The following CFAP92 variants were observed in gnomAD, a reference collection of about 807,000 sequenced individuals.
CFAP92 encodes cilia and flagella associated protein 92 (putative).
A neutral mutation model predicts 106.3 loss-of-function variants in CFAP92; 86 were observed. The ratio of observed to expected loss-of-function variants is 0.81; its 90% CI spans 0.68 to 0.97. The LOEUF (loss-of-function observed/expected upper bound fraction) is 0.97, where lower values mean the gene tolerates loss of function less well. CFAP92 is among the 50% of genes least tolerant of loss of function. CFAP92 has a pLI of 0.00. For missense variants in CFAP92, 1,204 were observed against 1,283.8 expected (o/e 0.94, Z 0.95); for synonymous variants, 477 against 506.4 (o/e 0.94, Z 0.78).
intron 1 of CFAP92, among the ~76,000 whole-genome samples, chr3:128,999,227 T>C (rs192402116): frequency 2.1e-4 from 32 of 152,278 alleles, no homozygotes; most frequent in Middle Eastern, 3.4e-3. Flanking sequence ...ACTTTGAACC[T>C]TAAACAAAAA....
intron 13 of CFAP92, 96 bp downstream of exon 13, chr3:128,916,011 A>G: frequency 5.8e-6 from 5 of 862,552 alleles, no homozygotes; most frequent in Non-Finnish European, 6.2e-6. Context: ...TTTCATCTGT[A>G]TAGTTGAGAT....
At chr3:128,991,346 T>C (rs1447539883) in intron 2 of CFAP92, 1 of 152,390 alleles carries the variant, frequency 6.6e-6, no homozygotes, top group African/African-American at 2.4e-5. Context: ...CTAAACATAC[T>C]ATACACCCAA....
intron 12 of CFAP92, among the ~76,000 whole-genome samples, chr3:128,924,742 C>T (rs573011927): frequency 1.1e-4 from 17 of 152,170 alleles, no homozygotes; most frequent in African/African-American, 2.2e-4. Context: ...CCACCACGCC[C>T]GACCGATTGT....
the CFAP92 span, among the ~76,000 whole-genome samples, chr3:129,018,465 C>T: frequency 6.6e-6 from 1 of 152,210 alleles, no homozygotes; most frequent in African/African-American, 2.4e-5. Flanking sequence ...GGAACACAGC[C>T]ATGTCCACTT....
chr3:128,956,929 A>G (rs58821851), intron 9 of CFAP92, among the ~76,000 whole-genome samples: 23,855 of 148,182 alleles, frequency 0.16, 5,488 homozygotes, highest in African/African-American at 0.52. Context: ...GCAGTGAGCC[A>G]ACATCATGCC....
At chr3:128,956,204 A>T (rs1190846482) in intron 9 of CFAP92, among the ~76,000 whole-genome samples, 3,112 of 97,624 alleles carry the variant, frequency 0.032, 229 homozygotes, top group African/African-American at 0.19. Context: ...AATAAAAAAA[A>T]AATAAAAAAA....
intron 4 of CFAP92, among the ~76,000 whole-genome samples, chr3:128,984,704 A>C (rs1347335587): frequency 2.0e-5 from 3 of 152,120 alleles, no homozygotes; most frequent in African/African-American, 7.2e-5. Flanking sequence ...TCATATATAC[A>C]TCTATCCTAT....
rs572526598 is a variant in CFAP92 at position 128,958,915 on chromosome 3, A to T, written c.1353+6596T>A. Among the ~76,000 whole-genome samples, 8 of 152,144 alleles carry T rather than the reference A, an allele frequency of 5.3e-5. No homozygotes were observed. The East Asian group carries it at 5.8e-4, about 11-fold the overall frequency. ...GACCCTGTCTCAAAAAAATTTTTTTAAAAAAGGAGACAAGGTTGGACGCAG... is the reference window on the plus strand; with the variant it reads ...GACCCTGTCTCAAAAAAATTTTTTTTAAAAAGGAGACAAGGTTGGACGCAG... On this transcript the variant is annotated intron_variant, in intron 9 of 15. Coordinates refer to ENST00000645291, the MANE Select transcript of CFAP92 (RefSeq NM_001394090.1).
intron 2 of CFAP92, chr3:128,991,697 A>G (rs1329762167): frequency 5.4e-6 from 5 of 917,456 alleles, no homozygotes; most frequent in Non-Finnish European, 6.6e-6. Context: ...GGCCTGCACC[A>G]AGGCGTTCAT....
At chr3:128,993,412 G>C in intron 1 of CFAP92, 76 bp from the exon 2 acceptor site, 1 of 1,440,760 alleles carries the variant, frequency 6.9e-7, no homozygotes. Context: ...GCCTCCTGCA[G>C]AAGCACCCAC....
chr3:128,986,223 T>C (rs1027493945), intron 4 of CFAP92, among the ~76,000 whole-genome samples: 5 of 151,066 alleles, frequency 3.3e-5, no homozygotes, highest in African/African-American at 1.2e-4. Context: ...TTGATTCTAA[T>C]ATGTACATCT....
intron 10 of CFAP92, among the ~76,000 whole-genome samples, chr3:128,936,148 A>G (rs755915560): frequency 5.4e-5 from 8 of 149,180 alleles, no homozygotes; most frequent in Non-Finnish European, 8.9e-5. Flanking sequence ...CAGGGTTTCT[A>G]TGCACAGCCT....
At position 128,987,818 on chromosome 3, in the gene CFAP92, C is replaced by T. The variant is rs367761651; in HGVS notation, c.465G>A (p.Pro155=). The part of the protein sequence containing the change: ...FLESGVKTVK[P]WHEGDKAWVS... ...CCCAGGCTTTGTCACCTTCGTGCCACGGCTTCACAGTCTGTGTAAAACAAC... is the reference window on the plus strand; with the variant it reads ...CCCAGGCTTTGTCACCTTCGTGCCATGGCTTCACAGTCTGTGTAAAACAAC... The change falls in exon 4 of 16, where the codon CCG becomes CCA. Residue 155 remains proline, a synonymous_variant. Coordinates refer to ENST00000645291, the MANE Select transcript of CFAP92 (RefSeq NM_001394090.1). The T allele has an allele frequency of 2.7e-5, 44 of 1,607,758 alleles. 2 individuals are homozygous for T. The highest frequency in any genetic ancestry group is 2.0e-4 in the African/African-American group (15 of 74,884).
chr3:128,977,964 C>T, intron 5 of CFAP92, 81 bp downstream of exon 5: 2 of 1,568,332 alleles, frequency 1.3e-6, no homozygotes, highest in Non-Finnish European at 1.7e-6. Context: ...CATGCAGATG[C>T]ATTGCTCCAG....
the CFAP92 span, among the ~76,000 whole-genome samples, chr3:129,016,127 C>T: frequency 6.6e-6 from 1 of 152,166 alleles, no homozygotes; most frequent in East Asian, 1.9e-4. Flanking sequence ...TTTGATGCGT[C>T]CCCCTGGCTT....
In CFAP92 at chr3:128,910,101, G is replaced by GTGC; in HGVS notation, c.*197_*198insGCA. Reference sequence around the variant, plus strand: ...TGTATGGCATGACGGCCGTGCTGTCGCGGGCCAGCCGCTCCATCCGCATTG... The same window carrying GTGC: ...TGTATGGCATGACGGCCGTGCTGTCGTGCCGGGCCAGCCGCTCCATCCGCATTG... On this transcript the variant is annotated 3_prime_UTR_variant, in exon 16 of 16. Coordinates refer to ENST00000645291, the MANE Select transcript of CFAP92 (RefSeq NM_001394090.1). The GTGC allele has an allele frequency of 6.2e-7, 1 of 1,613,578 alleles. No individual in the cohort carries two copies.
chr3:129,023,063 C>T, the CFAP92 span, among the ~76,000 whole-genome samples: 1 of 152,076 alleles, frequency 6.6e-6, no homozygotes, highest in African/African-American at 2.4e-5. Context: ...TTCATTCTTG[C>T]TTTATGTATT....
At position 128,917,296 on chromosome 3, in the gene CFAP92, T is replaced by C. The variant is rs75217582; in HGVS notation, c.2752-1025A>G. Among the ~76,000 whole-genome samples, 10 of 152,338 alleles carry C rather than the reference T, an allele frequency of 6.6e-5. No homozygotes were observed. The East Asian group carries it at 1.9e-3, about 29-fold the overall frequency. Reference sequence around the variant, plus strand: ...TTGATCTGAGTTTCTCAGTTAGCCATTCCTAGAAGTCCCCTGCTCCTTCCA... The same window carrying C: ...TTGATCTGAGTTTCTCAGTTAGCCACTCCTAGAAGTCCCCTGCTCCTTCCA... On this transcript the variant is annotated intron_variant, in intron 12 of 15. Coordinates refer to ENST00000645291, the MANE Select transcript of CFAP92 (RefSeq NM_001394090.1).
chr3:129,002,275 A>T, intron 1 of CFAP92: 1 of 1,530,444 alleles, frequency 6.5e-7, no homozygotes, highest in East Asian at 2.5e-5. Context: ...TTGGTGGAGG[A>T]CCTGCGCGCC....
Sources: allele counts gnomAD v4.1 joint callset (sites outside exome capture counted in the v4.1 genomes callset), GRCh38; gene constraint gnomAD v4.1.1; transcripts MANE v1.5; gene names NCBI Gene and HGNC (gene_info 2026-07-23, HGNC 2026-07-21).